Variants in SLC9B1 observed in about 807,000 individuals in gnomAD.
The protein encoded by SLC9B1 is sodium/hydrogen exchanger 9B1.
SLC9B1 carries 32 observed loss-of-function variants against 51.7 expected under a neutral mutation model. The observed-to-expected ratio is 0.62, with a 90% CI of 0.47 to 0.83. SLC9B1 has a LOEUF of 0.83. Among genes scored for constraint, SLC9B1 ranks in the 40% least tolerant of loss-of-function variants. The pLI is 0.00. For synonymous variants in SLC9B1, 145 were observed against 212.7 expected (o/e 0.68, Z 2.77); for missense variants, 406 against 613.2 (o/e 0.66, Z 3.57).
chr4:102,993,745 A>G (rs1032945410), intron 1 of SLC9B1, among the ~76,000 whole-genome samples: 18 of 152,116 alleles, frequency 1.2e-4, no homozygotes, highest in African/African-American at 4.3e-4. Flanking sequence ...AGGCATTTCT[A>G]TATACCCTCT....
chr4:102,997,541 C>T (rs72937480), intron 1 of SLC9B1, among the ~76,000 whole-genome samples: 1,698 of 152,220 alleles, frequency 0.011, 21 homozygotes, highest in African/African-American at 0.037. Flanking sequence ...GATAAATTCA[C>T]TTAATTCTAA....
chr4:102,906,977 C>T (rs577751543), intron 9 of SLC9B1, among the ~76,000 whole-genome samples: 21 of 152,188 alleles, frequency 1.4e-4, no homozygotes, highest in African/African-American at 4.6e-4. Context: ...CTGGCTGTGG[C>T]GTCCCAAAGC....
chr4:102,999,057 T>C (rs908842180), intron 1 of SLC9B1, among the ~76,000 whole-genome samples: 3 of 152,178 alleles, frequency 2.0e-5, no homozygotes, highest in Non-Finnish European at 4.4e-5. Flanking sequence ...TCTTGCTGTG[T>C]AGCCCAGGCT....
intron 3 of SLC9B1, chr4:102,962,490 T>C: frequency 2.0e-6 from 1 of 490,370 alleles, no homozygotes; most frequent in South Asian, 1.5e-5. Flanking sequence ...TTATTTAATG[T>C]ACCAGGATTC....
At chr4:102,977,387 C>T (rs1418428700) in intron 3 of SLC9B1, among the ~76,000 whole-genome samples, 1 of 151,236 alleles carries the variant, frequency 6.6e-6, no homozygotes, top group Non-Finnish European at 1.5e-5. Context: ...TTTGACTACA[C>T]TGGTGTAAGT....
intron 3 of SLC9B1, among the ~76,000 whole-genome samples, chr4:102,956,388 T>C (rs957420720): frequency 2.0e-5 from 3 of 150,406 alleles, no homozygotes; most frequent in Non-Finnish European, 2.9e-5. Context: ...TCCACACATA[T>C]ATGGCCGATT....
At chr4:102,924,210 T>A (rs1220360964) in intron 7 of SLC9B1, among the ~76,000 whole-genome samples, 1 of 152,144 alleles carries the variant, frequency 6.6e-6, no homozygotes, top group Non-Finnish European at 1.5e-5. Flanking sequence ...AAAGCAGAGA[T>A]ATAGACCAAT....
At chr4:102,981,851 T>C (rs1009178707) in intron 3 of SLC9B1, among the ~76,000 whole-genome samples, 2 of 152,162 alleles carry the variant, frequency 1.3e-5, no homozygotes, top group Admixed American at 6.6e-5. Flanking sequence ...TAGATTTTTT[T>C]CCCTTCTCTT....
chr4:103,008,451 C>T (rs1013563444), intron 1 of SLC9B1, among the ~76,000 whole-genome samples: 3 of 151,012 alleles, frequency 2.0e-5, no homozygotes, highest in Admixed American at 6.6e-5. Context: ...CAGAATCTCA[C>T]CGCCCAGGAT....
intron 1 of SLC9B1, among the ~76,000 whole-genome samples, chr4:102,994,610 CTT>C (rs1740122168): frequency 1.3e-5 from 2 of 152,150 alleles, no homozygotes; most frequent in Non-Finnish European, 1.5e-5. Flanking sequence ...TACATTAGTC[CTT>C]TTTCACGCTA....
At position 102,964,534 on chromosome 4, in the gene SLC9B1, C is replaced by T. The variant is rs182184454; in HGVS notation, c.212-15107G>A. On this transcript the variant is annotated intron_variant, in intron 3 of 11. Transcript: ENST00000296422. Reference sequence around the variant, plus strand: ...TACCAATATCCCTTATGAACCTAGACATAAATATTCTTAACCAAATATTAG... The same window carrying T: ...TACCAATATCCCTTATGAACCTAGATATAAATATTCTTAACCAAATATTAG... 5.5e-4 allele frequency among the ~76,000 whole-genome samples: 83 copies of T among 152,216 alleles called. 1 individual carries two copies. The highest frequency in any genetic ancestry group is 5.4e-3 in the Admixed American group (83 of 15,286).
intron 6 of SLC9B1, among the ~76,000 whole-genome samples, chr4:102,937,434 A>C (rs1335807611): frequency 6.7e-6 from 1 of 148,370 alleles, no homozygotes; most frequent in Non-Finnish European, 1.5e-5. Flanking sequence ...AAAAAAAAAA[A>C]AAAAAAACTT....
At position 102,956,832 on chromosome 4, in the gene SLC9B1, G is replaced by A. The variant is rs544838901; in HGVS notation, c.212-7405C>T. Among the ~76,000 whole-genome samples the A allele has an allele frequency of 6.3e-4, 96 of 152,074 alleles. 1 individual carries two copies. Among genetic ancestry groups the A allele is most frequent in the African/African-American group, 2.2e-3 (93 of 41,494 alleles). Reference sequence around the variant, plus strand: ...GACATGTAAGGAAACAGGAAAATATGGTTCATACTCTGGAAAAAAAGCAGT... The same window carrying A: ...GACATGTAAGGAAACAGGAAAATATAGTTCATACTCTGGAAAAAAAGCAGT... On this transcript the variant is annotated intron_variant, in intron 3 of 11. Transcript: ENST00000296422.
intron 1 of SLC9B1, among the ~76,000 whole-genome samples, chr4:103,002,557 C>T (rs1056942671): frequency 2.6e-5 from 4 of 151,842 alleles, no homozygotes; most frequent in East Asian, 3.8e-4. Flanking sequence ...TGAACTAGTA[C>T]GAGTAACTTC....
chr4:102,898,074 A>C (rs1734619393), downstream of SLC9B1: 1 of 476,598 alleles, frequency 2.1e-6, no homozygotes, highest in Non-Finnish European at 4.1e-6. Flanking sequence ...TGGTAAAATC[A>C]TTGGCATGTT....
chr4:102,984,499 G>C (rs145672338), intron 3 of SLC9B1, among the ~76,000 whole-genome samples: 1 of 152,050 alleles, frequency 6.6e-6, no homozygotes, highest in East Asian at 1.9e-4. Flanking sequence ...TAAGTATTTC[G>C]GGATGTTAAA....
At chr4:103,007,396 G>T (rs973340950) in intron 1 of SLC9B1, among the ~76,000 whole-genome samples, 15 of 151,936 alleles carry the variant, frequency 9.9e-5, no homozygotes, top group African/African-American at 3.4e-4. Flanking sequence ...AAATACCCTA[G>T]GAATACAGCT....
At chr4:102,923,925 G>A (rs1263533435) in intron 7 of SLC9B1, among the ~76,000 whole-genome samples, 1 of 152,136 alleles carries the variant, frequency 6.6e-6, no homozygotes, top group Non-Finnish European at 1.5e-5. Flanking sequence ...ACAAATGGAA[G>A]AACATTCCAT....
intron 3 of SLC9B1, among the ~76,000 whole-genome samples, chr4:102,970,696 C>T (rs1194645187): frequency 3.9e-5 from 6 of 152,038 alleles, no homozygotes; most frequent in Non-Finnish European, 7.4e-5. Flanking sequence ...GACTGGCAAA[C>T]TGGATAAAGA....
Sources: allele counts gnomAD v4.1 joint callset (sites outside exome capture counted in the v4.1 genomes callset), GRCh38; gene constraint gnomAD v4.1.1; transcripts MANE v1.5; gene names NCBI Gene and HGNC (gene_info 2026-07-23, HGNC 2026-07-21).